PI4KA: variants seen among roughly 807,000 people sequenced by gnomAD.
The protein encoded by PI4KA is phosphatidylinositol 4-kinase alpha, also known as PI4-kinase alpha.
In PI4KA, 122 loss-of-function variants were observed where a neutral mutation model predicts 271.4. The ratio of observed to expected loss-of-function variants is 0.45; its 90% CI spans 0.39 to 0.52. The LOEUF (loss-of-function observed/expected upper bound fraction) is 0.52. PI4KA is among the 20% of genes least tolerant of loss of function. PI4KA has a pLI of 0.00. For missense variants in PI4KA, 1,969 were observed against 2,769.1 expected, an observed-to-expected ratio of 0.71 and a Z score of 6.48; for synonymous variants, 1,041 against 1,078.8, an observed-to-expected ratio of 0.96 and a Z score of 0.69.
intron 43 of PI4KA, among the ~76,000 whole-genome samples, chr22:20,719,879 T>C (rs2147198555): frequency 6.6e-6 from 1 of 151,626 alleles, no homozygotes; most frequent in South Asian, 2.1e-4. Context: ...ACAAAAAAAT[T>C]AGCAGGCGTG....
intron 2 of PI4KA, among the ~76,000 whole-genome samples, chr22:20,837,642 A>C (rs1925026424): frequency 6.6e-6 from 1 of 152,202 alleles, no homozygotes; most frequent in Admixed American, 6.5e-5. Flanking sequence ...TTAACTTGGA[A>C]TTTAGAAATA....
chr22:20,827,264 C>T (rs762929925), intron 3 of PI4KA, among the ~76,000 whole-genome samples: 46 of 152,226 alleles, frequency 3.0e-4, no homozygotes, highest in African/African-American at 5.8e-4. Context: ...TCCAATCTTC[C>T]GAATATAGCT....
At chr22:20,714,409 G>C in intron 47 of PI4KA, 49 bp downstream of exon 47, 1 of 1,542,636 alleles carries the variant, frequency 6.5e-7, no homozygotes, top group Non-Finnish European at 8.7e-7. Flanking sequence ...ACTGGCATTA[G>C]CAAGGAAAAG....
At chr22:20,744,527 T>C in intron 30 of PI4KA, 101 bp downstream of exon 30, 1 of 757,670 alleles carries the variant, frequency 1.3e-6, no homozygotes, top group Non-Finnish European at 2.3e-6. Context: ...TAATTCCACA[T>C]CACCGGGACG....
At chr22:20,796,682 C>T (rs1323993129) in intron 17 of PI4KA, among the ~76,000 whole-genome samples, 1 of 152,246 alleles carries the variant, frequency 6.6e-6, no homozygotes, top group Non-Finnish European at 1.5e-5. Flanking sequence ...TTGGATCTTG[C>T]TTCCCCCCTA....
intron 11 of PI4KA, among the ~76,000 whole-genome samples, chr22:20,804,636 C>T (rs1424154225): frequency 6.6e-6 from 1 of 152,184 alleles, no homozygotes; most frequent in Non-Finnish European, 1.5e-5. Context: ...TCTACTCCTC[C>T]CCCAGAAAAA....
chr22:20,821,462 C>T (rs768953178), intron 4 of PI4KA, among the ~76,000 whole-genome samples: 1 of 151,960 alleles, frequency 6.6e-6, no homozygotes, highest in Non-Finnish European at 1.5e-5. Context: ...TCAGGTGATC[C>T]ACCTGCCTTG....
chr22:20,764,812 T>A lies in PI4KA; in HGVS notation c.2708+5A>T, dbSNP rs1318186744. On this transcript the variant is annotated splice_donor_5th_base_variant and intron_variant, in intron 22 of 54. Transcript: ENST00000255882. ...GCATGTGCATGGTGGTGAAGGCACG[T>A]GTACCTCATGTACTCCAGCCGGTAC... is the stretch of plus-strand genomic sequence containing the variant. The A allele has an allele frequency of 6.2e-7, 1 of 1,608,994 alleles. No homozygotes were observed. Among genetic ancestry groups the A allele is most frequent in the African/African-American group, 1.3e-5 (1 of 74,842 alleles).
intron 10 of PI4KA, among the ~76,000 whole-genome samples, chr22:20,806,816 C>T (rs1158605236): frequency 1.3e-5 from 2 of 151,830 alleles, no homozygotes; most frequent in Non-Finnish European, 2.9e-5. Flanking sequence ...CTGCAACCTC[C>T]GCCTCCCAAG....
intron 19 of PI4KA, among the ~76,000 whole-genome samples, chr22:20,776,375 T>C (rs114147352): frequency 0.03 from 4,524 of 152,198 alleles, 89 homozygotes; most frequent in Middle Eastern, 0.061. Context: ...TTCCCGTGTG[T>C]AAACTAGTGG....
intron 3 of PI4KA, among the ~76,000 whole-genome samples, chr22:20,830,115 C>G (rs1923956420): frequency 6.6e-6 from 1 of 152,144 alleles, no homozygotes; most frequent in Non-Finnish European, 1.5e-5. Context: ...TATTCTGCTG[C>G]TTTCGAGTGG....
intron 9 of PI4KA, among the ~76,000 whole-genome samples, chr22:20,809,688 G>A (rs1017915676): frequency 2.0e-5 from 3 of 152,108 alleles, no homozygotes; most frequent in Non-Finnish European, 2.9e-5. Flanking sequence ...CACAAGCTCA[G>A]TCTATAGTGA....
In PI4KA at chr22:20,744,642, G is replaced by A. The variant is rs750486673; in HGVS notation, c.3442C>T (p.Arg1148Cys). 6 of 1,613,778 alleles carry A rather than the reference G, an allele frequency of 3.7e-6. No homozygotes were observed. The highest frequency in any genetic ancestry group is 2.2e-5 in the South Asian group (2 of 91,082). Residue 1148 changes from arginine to cysteine, a missense_variant, in exon 30 of 55, where the codon CGC (arginine) becomes TGC (cysteine). Physicochemically the swap from Arg to Cys is radical, Grantham distance 180. This residue lies in a region of PI4KA where 203 missense variants were observed against 256.8 expected (regional missense o/e 0.79). Transcript: ENST00000255882. The stretch of plus-strand genomic sequence containing the variant: ...AAGAGAAGCACCTCGCCCGCGTAGC[G>A]GTTGCGCAGATTCAGGGATGCCATG... ...NFMASLNLRN[R>C]YAGEVYGMIR...
chr22:20,842,968 T>C (rs999555111), intron 1 of PI4KA, among the ~76,000 whole-genome samples: 1 of 151,602 alleles, frequency 6.6e-6, no homozygotes, highest in Non-Finnish European at 1.5e-5. Flanking sequence ...CGTGGCGGCA[T>C]GCGTCTATAG....
At chr22:20,846,277 AAAAAAAG>A (rs1222193791) in intron 1 of PI4KA, among the ~76,000 whole-genome samples, 23 of 151,454 alleles carry the variant, frequency 1.5e-4, no homozygotes, top group Admixed American at 2.6e-4. Flanking sequence ...AAAAAAAAAA[AAAAAAAG>A]AAAAGAAGAA....
intron 2 of PI4KA, among the ~76,000 whole-genome samples, chr22:20,835,427 AAAACATGG>A (rs1924727251): frequency 6.6e-6 from 1 of 152,184 alleles, no homozygotes; most frequent in Admixed American, 6.6e-5. Flanking sequence ...GGTAGTTTTA[AAAACATGG>A]CTGCAGCCAG....
chr22:20,710,454 A>C, intron 52 of PI4KA: 1 of 573,088 alleles, frequency 1.7e-6, no homozygotes. Context: ...ATGCCCAGAA[A>C]GGGAGAGCCC....
intron 4 of PI4KA, among the ~76,000 whole-genome samples, chr22:20,822,118 C>T (rs761636921): frequency 2.0e-5 from 3 of 152,200 alleles, no homozygotes; most frequent in African/African-American, 7.2e-5. Flanking sequence ...AATGATAGCT[C>T]ACTGTAGCCT....
chr22:20,799,589 T>C lies in PI4KA; in HGVS notation c.1820+82A>G. 10 of 932,708 alleles carry C rather than the reference T, an allele frequency of 1.1e-5. No homozygotes were observed. In the South Asian group the frequency reaches 1.3e-4, roughly 12 times the overall value. 57.8% of individuals were successfully genotyped at this position (932,708 alleles called of 1,614,324 possible). On this transcript the variant is annotated intron_variant, in intron 15 of 54. Transcript: ENST00000255882. ...AGACAAGGAGATAAGGACAGAGGCA[T>C]GCATACGCACAATGCCAGGTGCCCC...
Sources: allele counts gnomAD v4.1 joint callset (sites outside exome capture counted in the v4.1 genomes callset), GRCh38; gene constraint gnomAD v4.1.1; regional missense constraint gnomAD v4.1.1; transcripts MANE v1.5; gene names NCBI Gene and HGNC (gene_info 2026-07-23, HGNC 2026-07-21).